Variants in GRIK1 observed in about 807,000 individuals in gnomAD.
The protein encoded by GRIK1 is glutamate ionotropic receptor kainate type subunit 1.
In GRIK1, 69 loss-of-function variants were observed where a neutral mutation model predicts 105.7. The ratio of observed to expected loss-of-function variants is 0.65; its 90% confidence interval spans 0.54 to 0.80. The LOEUF (loss-of-function observed/expected upper bound fraction) is 0.80, where lower values mean the gene tolerates loss of function less well. Ranked by LOEUF, GRIK1 falls within the 30% of genes least tolerant of loss-of-function variation. The pLI, the probability that GRIK1 is intolerant of heterozygous loss-of-function variation, is 0.00. For missense variants in GRIK1, 1,109 were observed against 1,167.3 expected, an observed-to-expected ratio of 0.95 and a Z score of 0.73; for synonymous variants, 438 against 431.3, an observed-to-expected ratio of 1.02 and a Z score of -0.19.
At chr21:29,909,945 A>T (rs2070759947) in intron 1 of GRIK1, among the ~76,000 whole-genome samples, 1 of 152,136 alleles carries the variant, frequency 6.6e-6, no homozygotes, top group Non-Finnish European at 1.5e-5. Context: ...TGGACAATAT[A>T]ATACTGTACA....
chr21:29,800,470 C>G (rs1011357286), intron 1 of GRIK1, among the ~76,000 whole-genome samples: 15 of 152,150 alleles, frequency 9.9e-5, no homozygotes, highest in African/African-American at 3.6e-4. Context: ...ACATATATGA[C>G]AGAATGGACT....
At chr21:29,867,996 A>C (rs934972324) in intron 1 of GRIK1, among the ~76,000 whole-genome samples, 39 of 141,466 alleles carry the variant, frequency 2.8e-4, no homozygotes, top group Admixed American at 8.5e-4. Context: ...GGAGAGAAGG[A>C]GAGAAAGAAA....
Position 29,587,448 on chromosome 21 carries a change from G to A in GRIK1, c.1711C>T (p.Leu571Phe). The part of the protein sequence containing the change: ...NGTNPGVFSF[L>F]NPLSPDIWMY... ...CAAATATCTGGAGACAGGGGGTTGA[G>A]GAAGGAGAAAACGCCTGGATTGGTA... is the stretch of plus-strand genomic sequence containing the variant. Residue 571 changes from leucine to phenylalanine, a missense_variant, in exon 12 of 18, where the codon CTC becomes TTC. By Grantham distance (22) the Leu-to-Phe change is conservative. This residue lies in a region of GRIK1 where 264 missense variants were observed against 306.9 expected (regional missense o/e 0.86). Transcript: ENST00000327783. 2 of 1,613,760 alleles carry A rather than the reference G, an allele frequency of 1.2e-6. No individual in the cohort carries two copies. The highest frequency in any genetic ancestry group is 2.2e-5 in the South Asian group (2 of 91,082).
At chr21:29,806,703 T>C (rs2145875183) in intron 1 of GRIK1, among the ~76,000 whole-genome samples, 1 of 152,208 alleles carries the variant, frequency 6.6e-6, no homozygotes, top group South Asian at 2.1e-4. Flanking sequence ...TACTGAGTAC[T>C]TACCTTGCGC....
chr21:29,542,400 A>C (rs1442609491), intron 16 of GRIK1, among the ~76,000 whole-genome samples: 1 of 152,030 alleles, frequency 6.6e-6, no homozygotes, highest in Admixed American at 6.5e-5. Context: ...TTCTCTTTAC[A>C]CCTTTATCCT....
intron 7 of GRIK1, among the ~76,000 whole-genome samples, chr21:29,609,563 C>T (rs766778025): frequency 2.2e-4 from 33 of 152,114 alleles, no homozygotes; most frequent in Non-Finnish European, 4.0e-4. Context: ...TTGCTCTCTC[C>T]GCTGTGGTTG....
At chr21:29,903,873 C>A (rs2070504803) in intron 1 of GRIK1, among the ~76,000 whole-genome samples, 1 of 152,046 alleles carries the variant, frequency 6.6e-6, no homozygotes, top group African/African-American at 2.4e-5. Flanking sequence ...TGGAACCAAC[C>A]CAAATGTCTA....
At chr21:29,547,248 G>T (rs1218213956) in intron 16 of GRIK1, among the ~76,000 whole-genome samples, 1 of 152,204 alleles carries the variant, frequency 6.6e-6, no homozygotes, top group East Asian at 1.9e-4. Flanking sequence ...ATGATGGCTA[G>T]TGGGGCCATT....
chr21:29,750,244 C>T (rs2065154859), intron 1 of GRIK1, among the ~76,000 whole-genome samples: 1 of 132,722 alleles, frequency 7.5e-6, no homozygotes, highest in African/African-American at 2.7e-5. Context: ...CTTCCTCCCT[C>T]CCTCCCTCCC....
chr21:29,928,817 G>T (rs975545539), intron 1 of GRIK1, among the ~76,000 whole-genome samples: 1 of 152,186 alleles, frequency 6.6e-6, no homozygotes, highest in Admixed American at 6.5e-5. Flanking sequence ...CCCAGTGGAC[G>T]TCCTGGAGGA....
chr21:29,900,885 G>A (rs459821), intron 1 of GRIK1, among the ~76,000 whole-genome samples: 33,609 of 151,982 alleles, frequency 0.22, 4,239 homozygotes, highest in African/African-American at 0.34. Context: ...CACGTAATTG[G>A]AAGCAAAGCA....
chr21:29,709,972 A>C (rs2064005604), intron 1 of GRIK1, among the ~76,000 whole-genome samples: 1 of 151,922 alleles, frequency 6.6e-6, no homozygotes, highest in African/African-American at 2.4e-5. Context: ...TTTGTTCTTA[A>C]TTTAAATAGA....
chr21:29,879,363 GAGGGAGCTGTCAA>G (rs908445141), intron 1 of GRIK1, among the ~76,000 whole-genome samples: 1 of 152,054 alleles, frequency 6.6e-6, no homozygotes, highest in Non-Finnish European at 1.5e-5. Context: ...AAAGAGTAAA[GAGGGAGCTGTCAA>G]AGGGGAAGAG....
intron 1 of GRIK1, among the ~76,000 whole-genome samples, chr21:29,746,093 G>T (rs758060608): frequency 6.6e-6 from 1 of 151,956 alleles, no homozygotes; most frequent in Non-Finnish European, 1.5e-5. Context: ...GACAGAGCGG[G>T]ACTCCGTTTC....
At chr21:29,583,149 G>T (rs1292085369) in intron 12 of GRIK1, among the ~76,000 whole-genome samples, 2 of 152,176 alleles carry the variant, frequency 1.3e-5, no homozygotes, top group African/African-American at 2.4e-5. Context: ...CTCCACAGCT[G>T]CAGGGTACAC....
At chr21:29,868,792 G>C (rs569775033) in intron 1 of GRIK1, among the ~76,000 whole-genome samples, 1 of 151,980 alleles carries the variant, frequency 6.6e-6, no homozygotes, top group Non-Finnish European at 1.5e-5. Context: ...GCTTTGAAAA[G>C]GTTTCAAGAA....
At chr21:29,851,448 A>C (rs1402493311) in intron 1 of GRIK1, among the ~76,000 whole-genome samples, 1 of 152,210 alleles carries the variant, frequency 6.6e-6, no homozygotes. Context: ...GATATAAATC[A>C]ATAAATGTGA....
intron 13 of GRIK1, 150 bp from the exon 14 acceptor site, chr21:29,577,331 C>T: frequency 1.8e-6 from 1 of 543,432 alleles, no homozygotes; most frequent in Non-Finnish European, 3.3e-6. Flanking sequence ...GAAAATGGAG[C>T]AAAATCTTAA....
At chr21:29,632,063 G>A (rs2062287775) in intron 7 of GRIK1, among the ~76,000 whole-genome samples, 1 of 151,920 alleles carries the variant, frequency 6.6e-6, no homozygotes, top group African/African-American at 2.4e-5. Context: ...TGCATAAGTT[G>A]TTCCCTCTAC....
Sources: allele counts gnomAD v4.1 joint callset (sites outside exome capture counted in the v4.1 genomes callset), GRCh38; gene constraint gnomAD v4.1.1; regional missense constraint gnomAD v4.1.1; transcripts MANE v1.5; gene names NCBI Gene and HGNC (gene_info 2026-07-23, HGNC 2026-07-21).